FCGR1A: variants seen among roughly 807,000 people sequenced by gnomAD.
The protein encoded by FCGR1A is Fc gamma receptor Ia, also known as high affinity immunoglobulin gamma Fc receptor I.
Under a neutral mutation model 35.0 loss-of-function variants are expected in FCGR1A, and 13 were observed. The ratio of observed to expected loss-of-function variants is 0.37; its 90% CI spans 0.24 to 0.59. The LOEUF is 0.59. Among genes scored for constraint, FCGR1A ranks in the 20% least tolerant of loss-of-function variants. The pLI, the probability that FCGR1A is intolerant of heterozygous loss-of-function variation, is 0.71. For missense variants in FCGR1A, 227 were observed against 430.0 expected (o/e 0.53, Z 4.17); for synonymous variants, 91 against 164.7 (o/e 0.55, Z 3.43).
At chr1:149,795,576 TCTTA>T (rs2091791788), downstream of FCGR1A, among the ~76,000 whole-genome samples, 2 of 130,242 alleles carry the variant, frequency 1.5e-5, no homozygotes, top group African/African-American at 6.1e-5. Context: ...ATTCTTTTAC[TCTTA>T]CTCTTTCCCC....
In FCGR1A at chr1:149,789,393, AAATAATAAT is replaced by A. The variant is rs781855250; in HGVS notation, c.560-642_560-634del. Among the ~76,000 whole-genome samples the A allele has an allele frequency of 6.0e-5, 9 of 148,838 alleles. No homozygotes were observed. The South Asian group carries it at 1.1e-3, about 17-fold the overall frequency. On this transcript the variant is annotated intron_variant, in intron 4 of 5. Coordinates refer to ENST00000369168, the MANE Select transcript of FCGR1A (RefSeq NM_000566.4). ...GGGCAACAGAGCGAGACTACGTCTCAAATAATAATAATAATAATAATAATAATGATGATA... is the reference window on the plus strand; with the variant it reads ...GGGCAACAGAGCGAGACTACGTCTCAAATAATAATAATAATAATGATGATA...
rs1226693295 is a variant in FCGR1A at position 149,790,914 on chromosome 1, C to A, written c.845-323C>A. On this transcript the variant is annotated intron_variant, in intron 5 of 5. Transcript: ENST00000369168. ...GATTGTGAGCTCTAGAACAAAGTCT[C>A]CTTGGGGGGGAAAAAAGTTCATCTT... 4.4e-4 allele frequency among the ~76,000 whole-genome samples: 67 copies of A among 151,394 alleles called. 1 individual carries two copies. Among genetic ancestry groups the A allele is most frequent in the African/African-American group, 1.5e-3 (62 of 40,806 alleles).
At chr1:149,798,596 A>C in the FCGR1A span, among the ~76,000 whole-genome samples, 1 of 151,434 alleles carries the variant, frequency 6.6e-6, no homozygotes, top group African/African-American at 2.4e-5. Context: ...TGCCATATAT[A>C]AATGTATTTT....
At chr1:149,789,874 C>T (rs587762602) in intron 4 of FCGR1A, among the ~76,000 whole-genome samples, 180 bp from the exon 5 acceptor site, 1 of 152,278 alleles carries the variant, frequency 6.6e-6, no homozygotes, top group East Asian at 1.9e-4. Flanking sequence ...AAGCTGGCAA[C>T]CCTAATTATG....
Position 149,790,043 on chromosome 1 carries a change from T to C in FCGR1A, c.560-11T>C, listed in dbSNP as rs370580970. On this transcript the variant is annotated splice_polypyrimidine_tract_variant and intron_variant, in intron 4 of 5. Coordinates refer to ENST00000369168, the MANE Select transcript of FCGR1A (RefSeq NM_000566.4). ...ACAGGCAACCTTGTCCCCCATCAAC[T>C]TTCTCCTTAGAGCTATTTCCAGCTC... 6.2e-6 allele frequency: 10 copies of C among 1,612,940 alleles called. No homozygotes were observed. Among genetic ancestry groups the C allele is most frequent in the African/African-American group, 1.4e-5 (1 of 74,044 alleles).
downstream of FCGR1A, chr1:149,793,205 C>T (rs2091756882): frequency 1.6e-6 from 2 of 1,277,184 alleles, no homozygotes; most frequent in African/African-American, 1.6e-5. Context: ...AGCAGGCGCC[C>T]CATTTTCTTG....
chr1:149,787,383 T>C (rs2091580975), intron 3 of FCGR1A: 1 of 152,210 alleles, frequency 6.6e-6, no homozygotes, highest in Non-Finnish European at 1.5e-5. Flanking sequence ...GAAGCATTTT[T>C]GGTTATGTGT....
Position 149,784,861 on chromosome 1 carries a change from T to G in FCGR1A, c.307+604T>G, listed in dbSNP as rs587638902. On this transcript the variant is annotated intron_variant, in intron 3 of 5. Transcript: ENST00000369168. ...CACTTTAAAATGTCTGCTGCACAGCTGTACCAGAATTAATTTAACCATTCT... is the reference window on the plus strand; with the variant it reads ...CACTTTAAAATGTCTGCTGCACAGCGGTACCAGAATTAATTTAACCATTCT... 5.9e-5 allele frequency among the ~76,000 whole-genome samples: 9 copies of G among 152,066 alleles called. No individual in the cohort carries two copies. In the South Asian group the frequency reaches 1.7e-3, roughly 28 times the overall value.
Position 149,791,475 on chromosome 1 carries a change from G to A in FCGR1A, c.1083G>A (p.Leu361=), listed in dbSNP as rs781826137. The change falls in exon 6 of 6, where the codon CTG becomes CTA. Residue 361 remains leucine, a synonymous_variant. Coordinates refer to ENST00000369168, the MANE Select transcript of FCGR1A (RefSeq NM_000566.4). ...GTCAGGAACAAAAAGAAGAACAGCT[G>A]CAGGAAGGGGTGCACCGGAAGGAGC... ...LKCQEQKEEQ[L]QEGVHRKEPQ... is the part of the protein sequence containing the mutation. 2.5e-6 allele frequency: 4 copies of A among 1,609,372 alleles called. No homozygotes were observed. The South Asian group carries it at 4.4e-5, about 18-fold the overall frequency.
the FCGR1A span, among the ~76,000 whole-genome samples, chr1:149,797,732 G>T: frequency 6.6e-6 from 1 of 152,232 alleles, no homozygotes; most frequent in East Asian, 1.9e-4. Flanking sequence ...CTAGCAGTTC[G>T]AACTATAGGC....
rs1553750938 is a variant in FCGR1A, at chr1:149,787,239, A to G, written c.308-1127A>G. On this transcript the variant is annotated intron_variant, in intron 3 of 5. Transcript: ENST00000369168. Reference sequence around the variant, plus strand: ...AAAATTCATGCTATGTATAGCATAGAAACACCTGCCTTCCATTCTTAGATA... The same window carrying G: ...AAAATTCATGCTATGTATAGCATAGGAACACCTGCCTTCCATTCTTAGATA... The G allele has an allele frequency of 2.0e-5, 3 of 152,342 alleles. No individual in the cohort carries two copies. In the South Asian group the frequency reaches 6.2e-4, roughly 32 times the overall value. The allele number at this position is 152,342 out of a possible 1,614,324, so 9.4% of individuals were successfully genotyped here. A position where few individuals can be genotyped will look rare whatever the true frequency, so the allele number is the denominator to read the frequency against.
At chr1:149,785,407 CGTTTTTTT>C (rs2091516234) in intron 3 of FCGR1A, among the ~76,000 whole-genome samples, 1 of 74,544 alleles carries the variant, frequency 1.3e-5, no homozygotes, top group African/African-American at 4.6e-5. Context: ...AGAGCTGTTT[CGTTTTTTT>C]TTTTTTTTTT....
downstream of FCGR1A, among the ~76,000 whole-genome samples, chr1:149,795,299 T>TA (rs1358458621): frequency 1.4e-5 from 2 of 146,598 alleles, no homozygotes; most frequent in East Asian, 1.9e-4. Context: ...AATAAATAAA[T>TA]GATTATTACC....
chr1:149,799,690 A>G, the FCGR1A span, among the ~76,000 whole-genome samples: 3 of 152,176 alleles, frequency 2.0e-5, no homozygotes, highest in South Asian at 2.1e-4. Context: ...ATCCTGTTAC[A>G]TGAGTTTGGA....
chr1:149,790,655 G>T, intron 5 of FCGR1A, among the ~76,000 whole-genome samples: 3 of 127,586 alleles, frequency 2.4e-5, no homozygotes, highest in Non-Finnish European at 3.3e-5. Flanking sequence ...TCCACTCCAT[G>T]ACCCCCCCTT....
At chr1:149,800,071 TG>T in the FCGR1A span, among the ~76,000 whole-genome samples, 3 of 152,016 alleles carry the variant, frequency 2.0e-5, no homozygotes, top group African/African-American at 4.8e-5. Context: ...ATTTCCAAGC[TG>T]GGGTTCCCAT....
At chr1:149,789,260 G>A (rs1248368586) in intron 4 of FCGR1A, among the ~76,000 whole-genome samples, 12 of 152,124 alleles carry the variant, frequency 7.9e-5, no homozygotes, top group South Asian at 4.2e-4. Context: ...CTGAAATGTG[G>A]CGGGCACCTG....
rs2091701725 is a variant in FCGR1A, at chr1:149,791,186, C to T, written c.845-51C>T. ...CCCTTCCAAACATAACTCAGCTAGACCCCTCTGGTCTCTAAATAGTATCTC... is the reference window on the plus strand; with the variant it reads ...CCCTTCCAAACATAACTCAGCTAGATCCCTCTGGTCTCTAAATAGTATCTC... On this transcript the variant is annotated intron_variant, in intron 5 of 5. Coordinates refer to ENST00000369168, the MANE Select transcript of FCGR1A (RefSeq NM_000566.4). 3.1e-6 allele frequency: 5 copies of T among 1,605,492 alleles called. No individual in the cohort carries two copies. The South Asian group carries it at 5.6e-5, about 18-fold the overall frequency.
chr1:149,797,183 G>A, the FCGR1A span, among the ~76,000 whole-genome samples: 1 of 152,172 alleles, frequency 6.6e-6, no homozygotes, highest in Non-Finnish European at 1.5e-5. Context: ...AAAGTGCTGG[G>A]ATTACAGGCA....
Sources: gnomAD v4.1 joint callset for allele counts (sites outside exome capture counted in the v4.1 genomes callset) on GRCh38, gnomAD v4.1.1 for gene constraint, MANE v1.5 for transcripts, NCBI Gene and HGNC (gene_info 2026-07-23, HGNC 2026-07-21) for gene names.